Variants in EQTN observed in about 807,000 individuals in gnomAD.
EQTN encodes equatorin, also known as Acrosome formation associated factor.
Under a neutral mutation model 26.9 loss-of-function variants are expected in EQTN, and 29 were observed. The observed-to-expected ratio is 1.08, with a 90% CI of 0.80 to 1.47. The LOEUF (loss-of-function observed/expected upper bound fraction) is 1.47. Among genes scored for constraint, EQTN ranks in the 40% most tolerant of loss-of-function variants. EQTN has a pLI of 0.00. For synonymous variants in EQTN, 129 were observed against 120.0 expected, an observed-to-expected ratio of 1.07 and a Z score of -0.49; for missense variants, 391 against 346.1, an observed-to-expected ratio of 1.13 and a Z score of -1.03.
At chr9:27,293,508 T>C (rs529737609) in intron 3 of EQTN, among the ~76,000 whole-genome samples, 1 of 152,160 alleles carries the variant, frequency 6.6e-6, no homozygotes, top group South Asian at 2.1e-4. Flanking sequence ...CCGTTTAAAA[T>C]GGCAGGAATG....
Position 27,292,364 on chromosome 9 carries a change from T to C in EQTN, c.376+37A>G. 3 of 1,348,188 alleles carry C rather than the reference T, an allele frequency of 2.2e-6. No individual in the cohort carries two copies. The Middle Eastern group carries it at 5.5e-4, about 247-fold the overall frequency. The allele number at this position is 1,348,188 out of a possible 1,614,324, so 83.5% of individuals were successfully genotyped here. A position where few individuals can be genotyped will look rare whatever the true frequency, so the allele number is the denominator to read the frequency against. On this transcript the variant is annotated intron_variant, in intron 4 of 7. Coordinates refer to ENST00000380032, the MANE Select transcript of EQTN (RefSeq NM_020641.3). ...TAAATTTTTAAGTCACATAATGATA[T>C]TCTCCAGGTATGAATACAGTGTAGT... is the stretch of plus-strand genomic sequence containing the variant.
chr9:27,285,272 T>A (rs1820097047), intron 7 of EQTN, among the ~76,000 whole-genome samples: 1 of 150,890 alleles, frequency 6.6e-6, no homozygotes, highest in Admixed American at 6.6e-5. Context: ...GCCTCCCGAG[T>A]AGCTGGGACT....
intron 6 of EQTN, among the ~76,000 whole-genome samples, chr9:27,287,638 C>A (rs1820147832): frequency 1.3e-5 from 2 of 152,120 alleles, no homozygotes; most frequent in African/African-American, 4.8e-5. Context: ...TCTACAACAC[C>A]TAACACGTAG....
At chr9:27,289,638 C>A (rs1164077595) in intron 6 of EQTN, 34 bp downstream of exon 6, 25 of 1,569,294 alleles carry the variant, frequency 1.6e-5, no homozygotes, top group Non-Finnish European at 1.7e-5. Context: ...GCATTAGCCA[C>A]TGCACCCAGT....
At chr9:27,289,808 T>C in intron 5 of EQTN, 77 bp from the exon 6 acceptor site, 1 of 1,143,342 alleles carries the variant, frequency 8.7e-7, no homozygotes, top group East Asian at 2.4e-5. Flanking sequence ...TGTGTATGTA[T>C]AATTATAGTA....
chr9:27,285,105 A>T, intron 7 of EQTN, 133 bp from the exon 8 acceptor site: 1 of 452,990 alleles, frequency 2.2e-6, no homozygotes, highest in Non-Finnish European at 3.8e-6. Flanking sequence ...ACATTATGTG[A>T]ATGATATATA....
rs570993961 is a variant in EQTN at position 27,296,627 on chromosome 9, T to A, written c.188A>T (p.Lys63Ile). 1.1e-4 allele frequency: 169 copies of A among 1,535,770 alleles called. 2 individuals are homozygous for A. In the South Asian group the frequency reaches 1.8e-3, roughly 17 times the overall value. The change falls in exon 2 of 8, where the codon AAA becomes ATA. Residue 63 changes from lysine to isoleucine, a missense_variant. Transcript: ENST00000380032. ...PANEKNGNYY[K>I]DIKQYVFTTQ... ...TAAAGACTTACATTGTTTTATATCT[T>A]TATAATAATTGCCATTTTTCTCATT... is the stretch of plus-strand genomic sequence containing the variant.
chr9:27,291,010 T>C lies in EQTN; in HGVS notation c.421+9A>G, dbSNP rs1309294835. On this transcript the variant is annotated intron_variant, in intron 5 of 7. Coordinates refer to ENST00000380032, the MANE Select transcript of EQTN (RefSeq NM_020641.3). ...ATGTTTCCCAAGCTACCTAGCTGTA[T>C]GACTTTACCTTTAGCTAACATTGTC... The C allele has an allele frequency of 1.2e-6, 2 of 1,611,150 alleles. No homozygotes were observed. The highest frequency in any genetic ancestry group is 4.5e-5 in the East Asian group (2 of 44,830).
At chr9:27,293,314 A>G (rs1268264187) in intron 3 of EQTN, among the ~76,000 whole-genome samples, 1 of 152,112 alleles carries the variant, frequency 6.6e-6, no homozygotes, top group Non-Finnish European at 1.5e-5. Context: ...CTGCTTTGCA[A>G]CCCTTATCCT....
chr9:27,289,419 T>C (rs553177805), intron 6 of EQTN, among the ~76,000 whole-genome samples: 5 of 152,300 alleles, frequency 3.3e-5, no homozygotes, highest in African/African-American at 1.2e-4. Context: ...AGTATTTATG[T>C]GTCTATTAGT....
intron 2 of EQTN, among the ~76,000 whole-genome samples, chr9:27,295,918 G>A (rs1371001488): frequency 6.6e-6 from 1 of 151,150 alleles, no homozygotes; most frequent in Non-Finnish European, 1.5e-5. Flanking sequence ...AGCCTGCTTA[G>A]GCAAGACACA....
intron 4 of EQTN, among the ~76,000 whole-genome samples, chr9:27,291,866 C>G (rs1037867764): frequency 6.6e-5 from 10 of 152,164 alleles, no homozygotes; most frequent in African/African-American, 2.2e-4. Flanking sequence ...TATTCAAGAC[C>G]TTAGAGGAGA....
chr9:27,291,364 G>C (rs923202558), intron 4 of EQTN, among the ~76,000 whole-genome samples: 3 of 152,302 alleles, frequency 2.0e-5, no homozygotes, highest in African/African-American at 4.8e-5. Context: ...AACTTCTTAA[G>C]GCCAGAAACC....
intron 6 of EQTN, 70 bp from the exon 7 acceptor site, chr9:27,286,432 A>T: frequency 6.9e-7 from 1 of 1,456,156 alleles, no homozygotes. Context: ...AAAGATTGCA[A>T]AGCAAATACA....
chr9:27,289,161 A>G (rs933862635), intron 6 of EQTN, among the ~76,000 whole-genome samples: 1 of 152,232 alleles, frequency 6.6e-6, no homozygotes, highest in Non-Finnish European at 1.5e-5. Context: ...CTCTAAAAAT[A>G]AAGTCTATTT....
Position 27,297,042 on chromosome 9 carries a change from A to G in EQTN, c.14T>C (p.Leu5Ser). MNFI[L>S]FIFIPGVFSL... ...AAAAACTCCAGGTATAAAAATAAAC[A>G]ATATAAAATTCATTGGGAAATTGAA... is the stretch of plus-strand genomic sequence containing the variant. Residue 5 changes from leucine to serine, a missense_variant, in exon 1 of 8, where the codon TTG (leucine) becomes TCG (serine). Leu to Ser is a moderately radical substitution (Grantham distance 145, BLOSUM62 -2). Coordinates refer to ENST00000380032, the MANE Select transcript of EQTN (RefSeq NM_020641.3). The G allele has an allele frequency of 6.2e-7, 1 of 1,606,972 alleles. No individual in the cohort carries two copies. The highest frequency in any genetic ancestry group is 8.5e-7 in the Non-Finnish European group (1 of 1,174,592).
intron 6 of EQTN, among the ~76,000 whole-genome samples, chr9:27,288,852 A>C (rs1820171448): frequency 6.6e-6 from 1 of 152,166 alleles, no homozygotes; most frequent in Non-Finnish European, 1.5e-5. Flanking sequence ...GGGGTTCAGG[A>C]GGAGAGAGGA....
chr9:27,286,545 T>G (rs1237578026), intron 6 of EQTN, among the ~76,000 whole-genome samples, 183 bp from the exon 7 acceptor site: 2 of 152,218 alleles, frequency 1.3e-5, no homozygotes, highest in African/African-American at 4.8e-5. Flanking sequence ...CACTATTAAC[T>G]TGCCTCTTTA....
chr9:27,295,831 C>CAAAAAAAAAAAAA (rs67401588), intron 2 of EQTN, among the ~76,000 whole-genome samples: 2 of 69,296 alleles, frequency 2.9e-5, no homozygotes, highest in South Asian at 7.2e-4. Flanking sequence ...GACTCCGTCT[C>CAAAAAAAAAAAAA]AAAAAAAAAA....
Sources: allele counts gnomAD v4.1 joint callset (sites outside exome capture counted in the v4.1 genomes callset), GRCh38; gene constraint gnomAD v4.1.1; transcripts MANE v1.5; gene names NCBI Gene and HGNC (gene_info 2026-07-23, HGNC 2026-07-21).